NPIPA5: variants seen among roughly 807,000 people sequenced by gnomAD.
The protein encoded by NPIPA5 is nuclear pore complex interacting protein family member A5.
A neutral mutation model predicts 21.4 loss-of-function variants in NPIPA5; 6 were observed. That is an observed-to-expected ratio of 0.28 (90% confidence interval 0.15 to 0.55). The LOEUF is 0.55. NPIPA5 is among the 20% of genes least tolerant of loss of function. The pLI, the probability that NPIPA5 is intolerant of heterozygous loss-of-function variation, is 0.93. For synonymous variants in NPIPA5, 33 were observed against 115.3 expected (o/e 0.29, Z 4.57); for missense variants, 99 against 318.2 (o/e 0.31, Z 5.24).
At chr16:15,372,730 G>T (rs1233293091) in intron 2 of NPIPA5, among the ~76,000 whole-genome samples, 1 of 145,248 alleles carries the variant, frequency 6.9e-6, no homozygotes, top group Non-Finnish European at 1.5e-5. Context: ...CTTTTATCTT[G>T]GATCATTGTT....
At chr16:15,376,193 T>C (rs1171126945) in intron 1 of NPIPA5, among the ~76,000 whole-genome samples, 2 of 149,654 alleles carry the variant, frequency 1.3e-5, no homozygotes, top group East Asian at 2.0e-4. Context: ...AGAAAGAGAC[T>C]GGCTGGGAAG....
intron 1 of NPIPA5, among the ~76,000 whole-genome samples, chr16:15,375,370 G>T (rs144849718): frequency 1.4e-5 from 1 of 72,602 alleles, no homozygotes; most frequent in Admixed American, 1.8e-4. Flanking sequence ...GTCATTTAAA[G>T]CTCAGCATAA....
chr16:15,377,727 G>GAGA (rs567528560), intron 1 of NPIPA5, among the ~76,000 whole-genome samples: 42 of 128,032 alleles, frequency 3.3e-4, no homozygotes, highest in Middle Eastern at 7.9e-3. Context: ...GGAGGAGGAG[G>GAGA]AGAAGAAAGG....
At chr16:15,369,174 G>A (rs888538888) in intron 4 of NPIPA5, among the ~76,000 whole-genome samples, 2 of 144,628 alleles carry the variant, frequency 1.4e-5, no homozygotes, top group Non-Finnish European at 1.5e-5. Flanking sequence ...AAAAAAAAAA[G>A]CCTGGGTGTG....
intron 2 of NPIPA5, among the ~76,000 whole-genome samples, chr16:15,372,676 A>C (rs2050188563): frequency 6.9e-6 from 1 of 145,774 alleles, no homozygotes; most frequent in Non-Finnish European, 1.5e-5. Context: ...ACTGAAACAT[A>C]CTTCCTCTTC....
upstream of NPIPA5, among the ~76,000 whole-genome samples, chr16:15,380,042 AT>A (rs1277121805): frequency 5.9e-5 from 9 of 151,638 alleles, no homozygotes; most frequent in African/African-American, 2.2e-4. Flanking sequence ...ATAAAAGATC[AT>A]TTTTGAGATT....
At chr16:15,367,623 G>A (rs1465380159) in intron 4 of NPIPA5, among the ~76,000 whole-genome samples, 5 of 151,506 alleles carry the variant, frequency 3.3e-5, no homozygotes, top group South Asian at 2.1e-4. Context: ...GGAAGGATGT[G>A]TAAAATTCCC....
chr16:15,379,949 A>G (rs1193816370), upstream of NPIPA5, among the ~76,000 whole-genome samples: 1 of 151,640 alleles, frequency 6.6e-6, no homozygotes, highest in East Asian at 1.9e-4. Flanking sequence ...GTCTCAAAAA[A>G]AAATAAAAAA....
chr16:15,371,064 G>T (rs1283391893), intron 2 of NPIPA5, among the ~76,000 whole-genome samples: 6 of 123,726 alleles, frequency 4.8e-5, no homozygotes, highest in African/African-American at 1.6e-4. Context: ...AAAAAAAAAT[G>T]ACATGAATAT....
chr16:15,368,556 A>G (rs1397201700), intron 4 of NPIPA5, among the ~76,000 whole-genome samples: 2 of 151,302 alleles, frequency 1.3e-5, no homozygotes, highest in Non-Finnish European at 3.0e-5. Context: ...TCTGGAGGTG[A>G]CCCAAGCATT....
At chr16:15,377,606 C>T (rs933938564) in intron 1 of NPIPA5, among the ~76,000 whole-genome samples, 1 of 120,076 alleles carries the variant, frequency 8.3e-6, no homozygotes, top group Non-Finnish European at 1.7e-5. Context: ...GGGACGGGGA[C>T]CGGGGCCGGA....
chr16:15,375,586 C>CA (rs1180774465), intron 1 of NPIPA5, among the ~76,000 whole-genome samples: 1 of 148,236 alleles, frequency 6.7e-6, no homozygotes, highest in African/African-American at 2.5e-5. Context: ...ACTAAAAATA[C>CA]AAAAAATTAG....
At chr16:15,370,644 G>A (rs1257274717) in intron 2 of NPIPA5, among the ~76,000 whole-genome samples, 11 of 141,804 alleles carry the variant, frequency 7.8e-5, no homozygotes, top group African/African-American at 2.8e-4. Flanking sequence ...CCAGCTAGTC[G>A]GGAGGCTGAG....
intron 1 of NPIPA5, among the ~76,000 whole-genome samples, chr16:15,377,656 GAA>G (rs2150886294): frequency 9.9e-6 from 1 of 100,568 alleles, no homozygotes; most frequent in African/African-American, 3.8e-5. Context: ...AGGGGAAGGG[GAA>G]GGGGAGGGGA....
chr16:15,369,048 G>A (rs1198099687), intron 4 of NPIPA5, among the ~76,000 whole-genome samples: 14 of 147,726 alleles, frequency 9.5e-5, no homozygotes, highest in South Asian at 2.2e-4. Context: ...CAAGCTACTC[G>A]GGAAGCCGAG....
chr16:15,374,042 T>TA (rs1485269733), intron 1 of NPIPA5, among the ~76,000 whole-genome samples, 199 bp from the exon 2 acceptor site: 1 of 117,260 alleles, frequency 8.5e-6, no homozygotes, highest in Non-Finnish European at 1.7e-5. Flanking sequence ...GTAGTGTTTT[T>TA]AGGCATTGCA....
intron 2 of NPIPA5, among the ~76,000 whole-genome samples, chr16:15,370,387 C>T (rs2050118758): frequency 7.2e-6 from 1 of 139,316 alleles, no homozygotes; most frequent in African/African-American, 2.6e-5. Flanking sequence ...GATCACACCA[C>T]TGCACTCCAG....
At chr16:15,381,016 C>T (rs201231354), upstream of NPIPA5, 70 of 1,514,158 alleles carry the variant, frequency 4.6e-5, no homozygotes, top group Admixed American at 1.1e-4. Flanking sequence ...GGACAGGAAC[C>T]GTGGGGTCAG....
Position 15,371,116 on chromosome 16 carries a change from G to A in NPIPA5, c.193-997C>T, listed in dbSNP as rs1367965682. 1.0e-4 allele frequency among the ~76,000 whole-genome samples: 15 copies of A among 144,072 alleles called. No homozygotes were observed. In the South Asian group the frequency reaches 3.5e-3, roughly 34 times the overall value. The allele number at this position is 144,072 out of a possible 152,430, so 94.5% of individuals were successfully genotyped here. On this transcript the variant is annotated intron_variant, in intron 2 of 7. Transcript: ENST00000360151. ...CTGTACACTTCAACATGGTTAGATG[G>A]TAATTATCATCTTGTAAGTATTTTA...
Sources: allele counts gnomAD v4.1 joint callset (sites outside exome capture counted in the v4.1 genomes callset), GRCh38; gene constraint gnomAD v4.1.1; transcripts MANE v1.5; gene names NCBI Gene and HGNC (gene_info 2026-07-23, HGNC 2026-07-21).